Variants in HMG20A observed in about 807,000 individuals in gnomAD.
The protein encoded by HMG20A is high mobility group 20A.
In HMG20A, 17 loss-of-function variants were observed where a neutral mutation model predicts 43.9. The observed-to-expected ratio is 0.39, with a 90% CI of 0.27 to 0.58. The LOEUF is 0.58. Ranked by LOEUF, HMG20A falls within the 20% of genes least tolerant of loss-of-function variation. The pLI is 0.59. For missense variants in HMG20A, 341 were observed against 438.2 expected, an observed-to-expected ratio of 0.78 and a Z score of 1.98; for synonymous variants, 132 against 147.5, an observed-to-expected ratio of 0.89 and a Z score of 0.76.
Position 77,458,454 on chromosome 15 carries a change from A to T in HMG20A, c.47A>T (p.Asp16Val). Residue 16 changes from aspartate (D) to valine (V), a missense_variant, in exon 2 of 10, where the codon GAT becomes GTT. Around this residue, in one of 3 missense-constraint regions of HMG20A, gnomAD observed 220 missense variants for 263.6 expected, o/e 0.83. Transcript: ENST00000336216. ...TCCACCCTACCGCCCCTTTTTGCAG[A>T]TGAAGACGGTTCCAAGGAGAGTAAT... ...TSSTLPPLFA[D>V]EDGSKESNDL... 3 of 1,613,500 alleles carry T rather than the reference A, an allele frequency of 1.9e-6. No individual in the cohort carries two copies. Among genetic ancestry groups the T allele is most frequent in the Non-Finnish European group, 2.5e-6 (3 of 1,179,556 alleles).
chr15:77,448,343 A>G (rs554537853), intron 1 of HMG20A, among the ~76,000 whole-genome samples: 7 of 152,158 alleles, frequency 4.6e-5, no homozygotes, highest in Middle Eastern at 3.4e-3. Flanking sequence ...GTCCAGCCAC[A>G]TTTGCCACCT....
At chr15:77,497,682 A>AGAGAGTGTGT in the HMG20A span, among the ~76,000 whole-genome samples, 17 of 119,080 alleles carry the variant, frequency 1.4e-4, no homozygotes, top group African/African-American at 4.4e-4. Context: ...AGAGAGAGAG[A>AGAGAGTGTGT]GTGTGTGTGT....
At chr15:77,422,459 T>A (rs974537940) in intron 1 of HMG20A, among the ~76,000 whole-genome samples, 3 of 152,128 alleles carry the variant, frequency 2.0e-5, no homozygotes, top group Non-Finnish European at 4.4e-5. Flanking sequence ...CTACTAAAAA[T>A]ACAAAAATTA....
chr15:77,441,655 A>G (rs937876097), intron 1 of HMG20A, among the ~76,000 whole-genome samples: 5 of 152,146 alleles, frequency 3.3e-5, no homozygotes, highest in Non-Finnish European at 7.4e-5. Context: ...CTTGTAGTTT[A>G]TGCAGCATAT....
the HMG20A span, among the ~76,000 whole-genome samples, chr15:77,503,288 T>G: frequency 6.6e-6 from 1 of 152,180 alleles, no homozygotes; most frequent in African/African-American, 2.4e-5. Flanking sequence ...CAAAATCTGG[T>G]ATCAAAACCA....
chr15:77,449,835 C>T (rs1158455246), intron 1 of HMG20A, among the ~76,000 whole-genome samples: 1 of 152,144 alleles, frequency 6.6e-6, no homozygotes, highest in East Asian at 1.9e-4. Context: ...TACATAGTGT[C>T]CATCACTCTT....
At chr15:77,499,526 C>T in the HMG20A span, among the ~76,000 whole-genome samples, 1 of 152,076 alleles carries the variant, frequency 6.6e-6, no homozygotes, top group Admixed American at 6.6e-5. Context: ...TCACAGAATG[C>T]TCCCCCCCAC....
the HMG20A span, among the ~76,000 whole-genome samples, chr15:77,510,163 G>A: frequency 6.6e-6 from 1 of 152,156 alleles, no homozygotes; most frequent in Non-Finnish European, 1.5e-5. Context: ...TAGTCTTTGA[G>A]CTCCCTGAGG....
intron 8 of HMG20A, 100 bp from the exon 9 acceptor site, chr15:77,479,079 G>T (rs2072883401): frequency 3.6e-6 from 4 of 1,124,890 alleles, no homozygotes; most frequent in Non-Finnish European, 5.3e-6. Context: ...AAGCATGTCT[G>T]TGGAGCAGAC....
intron 1 of HMG20A, among the ~76,000 whole-genome samples, chr15:77,433,535 A>G (rs2073512087): frequency 6.6e-6 from 1 of 152,218 alleles, no homozygotes; most frequent in Admixed American, 6.5e-5. Flanking sequence ...GAAGATATTT[A>G]CAGAGCAATC....
chr15:77,457,191 C>T (rs1301574089), intron 1 of HMG20A, among the ~76,000 whole-genome samples: 1 of 152,178 alleles, frequency 6.6e-6, no homozygotes, highest in African/African-American at 2.4e-5. Flanking sequence ...CTCCATTGAA[C>T]ATGGAGAATG....
chr15:77,457,300 C>T (rs2072663930), intron 1 of HMG20A, among the ~76,000 whole-genome samples: 1 of 152,184 alleles, frequency 6.6e-6, no homozygotes, highest in South Asian at 2.1e-4. Context: ...TGCTGTTTCA[C>T]CAGGTCTCCT....
rs1191431614 is a variant in HMG20A, at chr15:77,467,258, C to T, written c.401C>T (p.Thr134Ile). The change falls in exon 4 of 10, where the codon ACA (threonine) becomes ATA (isoleucine). Residue 134 changes from threonine (T) to isoleucine (I), a missense_variant. Around this residue, in one of 3 missense-constraint regions of HMG20A, gnomAD observed 220 missense variants for 263.6 expected, o/e 0.83. Transcript: ENST00000336216. ...KRPEVPFPEI[T>I]RMLGNEWSKL... ...CCAGAAGTCCCATTTCCAGAAATCA[C>T]AAGGATGTTAGGCAATGAATGGAGT... The T allele has an allele frequency of 6.2e-7, 1 of 1,614,058 alleles. No individual in the cohort carries two copies. The highest frequency in any genetic ancestry group is 8.5e-7 in the Non-Finnish European group (1 of 1,179,988).
At chr15:77,454,329 A>G (rs1197628527) in intron 1 of HMG20A, among the ~76,000 whole-genome samples, 2 of 152,174 alleles carry the variant, frequency 1.3e-5, no homozygotes, top group Non-Finnish European at 2.9e-5. Context: ...TTGTAAATAT[A>G]TTAAAAACCA....
At chr15:77,447,070 A>G (rs1325898308) in intron 1 of HMG20A, among the ~76,000 whole-genome samples, 1 of 152,196 alleles carries the variant, frequency 6.6e-6, no homozygotes. Context: ...AAATAGGGGA[A>G]GTACTCTACA....
intron 1 of HMG20A, among the ~76,000 whole-genome samples, chr15:77,448,171 T>C (rs1415231994): frequency 1.3e-5 from 2 of 152,214 alleles, no homozygotes; most frequent in African/African-American, 4.8e-5. Context: ...CCCAAATGAT[T>C]TCCTTACTTT....
chr15:77,500,295 C>T, the HMG20A span, among the ~76,000 whole-genome samples: 3 of 152,290 alleles, frequency 2.0e-5, no homozygotes, highest in East Asian at 3.9e-4. Flanking sequence ...CCTTGCAGAA[C>T]CAGAATTTGA....
At chr15:77,500,083 G>A in the HMG20A span, among the ~76,000 whole-genome samples, 7 of 151,940 alleles carry the variant, frequency 4.6e-5, no homozygotes, top group South Asian at 8.3e-4. Flanking sequence ...CACCCGCCTC[G>A]GCCTCCCAAA....
chr15:77,467,996 G>A (rs77869517), intron 4 of HMG20A, among the ~76,000 whole-genome samples: 79 of 152,302 alleles, frequency 5.2e-4, no homozygotes, highest in Admixed American at 9.8e-4. Context: ...TTTCTTTTAC[G>A]TCTTAAACTC....
Sources: gnomAD v4.1 joint callset for allele counts (sites outside exome capture counted in the v4.1 genomes callset) on GRCh38, gnomAD v4.1.1 for gene constraint, gnomAD v4.1.1 regional missense constraint, MANE v1.5 for transcripts, NCBI Gene and HGNC (gene_info 2026-07-23, HGNC 2026-07-21) for gene names.